MACROD2: variants seen among roughly 807,000 people sequenced by gnomAD.
MACROD2 encodes mono-ADP ribosylhydrolase 2.
Under a neutral mutation model 70.4 loss-of-function variants are expected in MACROD2, and 36 were observed. The ratio of observed to expected loss-of-function variants is 0.51; its 90% CI spans 0.39 to 0.68. The LOEUF is 0.68. Ranked by LOEUF, MACROD2 falls within the 30% of genes least tolerant of loss-of-function variation. The pLI is 0.00. For missense variants in MACROD2, 496 were observed against 538.4 expected, an observed-to-expected ratio of 0.92 and a Z score of 0.78; for synonymous variants, 172 against 178.8, an observed-to-expected ratio of 0.96 and a Z score of 0.30.
intron 4 of MACROD2, among the ~76,000 whole-genome samples, chr20:14,496,634 T>C (rs896584943): frequency 7.2e-5 from 11 of 152,074 alleles, no homozygotes; most frequent in African/African-American, 2.7e-4. Context: ...GTAGTGAGCA[T>C]AGGTGATGTG....
intron 6 of MACROD2, among the ~76,000 whole-genome samples, chr20:15,420,989 G>C (rs891895528): frequency 2.6e-5 from 4 of 152,152 alleles, no homozygotes; most frequent in South Asian, 2.1e-4. Flanking sequence ...TTGAAAGGCT[G>C]AGGTGGGAAA....
intron 6 of MACROD2, among the ~76,000 whole-genome samples, chr20:15,377,682 G>C (rs2045581688): frequency 6.6e-6 from 1 of 152,188 alleles, no homozygotes; most frequent in Non-Finnish European, 1.5e-5. Context: ...CTGATTACTG[G>C]TCTGAAACTT....
At chr20:15,100,073 C>T (rs534052444) in intron 5 of MACROD2, among the ~76,000 whole-genome samples, 1 of 152,142 alleles carries the variant, frequency 6.6e-6, no homozygotes, top group African/African-American at 2.4e-5. Context: ...CAAGTGATGA[C>T]ATTTGGATAT....
At chr20:14,190,848 T>C (rs1310813392) in intron 3 of MACROD2, among the ~76,000 whole-genome samples, 1 of 149,858 alleles carries the variant, frequency 6.7e-6, no homozygotes, top group Non-Finnish European at 1.5e-5. Flanking sequence ...GCTGGGACTA[T>C]AGGCGCCCGC....
chr20:14,567,182 A>AAT (rs941002278), intron 4 of MACROD2, among the ~76,000 whole-genome samples: 1 of 151,960 alleles, frequency 6.6e-6, no homozygotes, highest in Non-Finnish European at 1.5e-5. Context: ...TTAGTACATA[A>AAT]ATATATATAT....
At chr20:14,651,035 T>C (rs1244881416) in intron 4 of MACROD2, among the ~76,000 whole-genome samples, 2 of 152,134 alleles carry the variant, frequency 1.3e-5, no homozygotes, top group African/African-American at 4.8e-5. Flanking sequence ...CTCCATAGAA[T>C]ATTAGGTCTA....
chr20:14,027,462 C>A (rs534015897), intron 2 of MACROD2, among the ~76,000 whole-genome samples: 4 of 152,084 alleles, frequency 2.6e-5, no homozygotes. Context: ...CTACTTCTGT[C>A]AATTTGTCAA....
At chr20:14,178,354 A>C (rs1050126502) in intron 3 of MACROD2, among the ~76,000 whole-genome samples, 1 of 151,884 alleles carries the variant, frequency 6.6e-6, no homozygotes, top group Admixed American at 6.5e-5. Flanking sequence ...AAAAATAATA[A>C]TTTTTAAAAA....
intron 15 of MACROD2, among the ~76,000 whole-genome samples, chr20:16,025,662 C>T (rs1027393700): frequency 6.6e-6 from 1 of 152,164 alleles, no homozygotes; most frequent in Non-Finnish European, 1.5e-5. Flanking sequence ...GTGGATTGAC[C>T]TCTGCCATTA....
Position 14,326,518 on chromosome 20 carries a change from C to T in MACROD2, c.272-166961C>T, listed in dbSNP as rs755488912. The T allele has an allele frequency of 7.4e-6, 12 of 1,613,906 alleles. No homozygotes were observed. The highest frequency in any genetic ancestry group is 6.7e-5 in the East Asian group (3 of 44,852). ...TTCTGGGGCTTGGCACATGAGCCCACGCACGTTGACCTTCACAGGTAGTGA... is the reference window on the plus strand; with the variant it reads ...TTCTGGGGCTTGGCACATGAGCCCATGCACGTTGACCTTCACAGGTAGTGA... On this transcript the variant is annotated intron_variant, in intron 3 of 17. Transcript: ENST00000684519. This position sits in a 1 kb window ranked among gnomAD's most constrained non-coding sequence, Gnocchi z 5.5.
Position 15,095,064 on chromosome 20 carries a change from CTTTTTTTTT to C in MACROD2, c.419-134853_419-134845del, listed in dbSNP as rs373794823. On this transcript the variant is annotated intron_variant, in intron 5 of 17. Transcript: ENST00000684519. ...TATCTTTTCACTGTGGTCTCCTCTT[CTTTTTTTTT>C]TTTTTTTTTTTTTTTTTTTTTTAGA... Among the ~76,000 whole-genome samples, 87 of 89,294 alleles carry C rather than the reference CTTTTTTTTT, an allele frequency of 9.7e-4. 2 individuals carry two copies. The highest frequency in any genetic ancestry group is 2.1e-3 in the African/African-American group (55 of 26,272). 58.6% of individuals were successfully genotyped at this position (89,294 alleles called of 152,430 possible). A position where few individuals can be genotyped will look rare whatever the true frequency, so the allele number is the denominator to read the frequency against.
intron 3 of MACROD2, among the ~76,000 whole-genome samples, chr20:14,120,019 G>A (rs1461102346): frequency 1.3e-5 from 2 of 151,756 alleles, no homozygotes; most frequent in African/African-American, 4.8e-5. Context: ...GACCAGCCTG[G>A]GCAACATGGT....
intron 3 of MACROD2, among the ~76,000 whole-genome samples, chr20:14,294,688 T>G (rs956386909): frequency 6.6e-6 from 1 of 151,788 alleles, no homozygotes; most frequent in Non-Finnish European, 1.5e-5. Context: ...GAGTAGGCAT[T>G]GAGATGCTCT....
At chr20:15,049,374 C>G (rs913724915) in intron 5 of MACROD2, among the ~76,000 whole-genome samples, 1 of 151,750 alleles carries the variant, frequency 6.6e-6, no homozygotes, top group African/African-American at 2.4e-5. Flanking sequence ...AAATACATGT[C>G]TTTCTAAAGG....
chr20:14,009,934 A>C (rs1404783948), intron 2 of MACROD2, among the ~76,000 whole-genome samples: 1 of 152,186 alleles, frequency 6.6e-6, no homozygotes, highest in Non-Finnish European at 1.5e-5. Context: ...GAACACATGG[A>C]CACATTGTGG....
chr20:15,845,575 C>T (rs2064221825), intron 8 of MACROD2, among the ~76,000 whole-genome samples: 1 of 151,934 alleles, frequency 6.6e-6, no homozygotes, highest in Non-Finnish European at 1.5e-5. Context: ...AAAGAGACCA[C>T]CATGAATGGG....
intron 7 of MACROD2, among the ~76,000 whole-genome samples, chr20:15,497,636 T>C (rs2047315306): frequency 6.6e-6 from 1 of 152,142 alleles, no homozygotes; most frequent in South Asian, 2.1e-4. Flanking sequence ...CATTCTGCTT[T>C]TCTCTCCCGT....
At chr20:15,822,087 A>T (rs1343451536) in intron 8 of MACROD2, among the ~76,000 whole-genome samples, 1 of 152,200 alleles carries the variant, frequency 6.6e-6, no homozygotes, top group Non-Finnish European at 1.5e-5. Flanking sequence ...TGAAAAAACA[A>T]GTAGCCTCAT....
At chr20:15,937,729 TTATA>T (rs10532606) in intron 12 of MACROD2, among the ~76,000 whole-genome samples, 185 bp downstream of exon 12, 12,738 of 147,166 alleles carry the variant, frequency 0.087, 829 homozygotes, top group East Asian at 0.29. Context: ...TATAGAAAAT[TTATA>T]TATATATATA....
Sources: allele counts gnomAD v4.1 joint callset (sites outside exome capture counted in the v4.1 genomes callset), GRCh38; gene constraint gnomAD v4.1.1; non-coding constraint Gnocchi (gnomAD v3.1); transcripts MANE v1.5; gene names NCBI Gene and HGNC (gene_info 2026-07-23, HGNC 2026-07-21).